Variants in ZNF214 observed in about 807,000 individuals in gnomAD.
The protein encoded by ZNF214 is BWSCR2-associated zinc finger protein 1.
A neutral mutation model predicts 53.9 loss-of-function variants in ZNF214; 43 were observed. The observed-to-expected ratio is 0.80, with a 90% CI of 0.63 to 1.03. The LOEUF (loss-of-function observed/expected upper bound fraction) is 1.03, where lower values mean the gene tolerates loss of function less well. ZNF214 is among the 50% of genes least tolerant of loss of function. The pLI, the probability that ZNF214 is intolerant of heterozygous loss-of-function variation, is 0.00. For synonymous variants in ZNF214, 217 were observed against 229.5 expected (o/e 0.95, Z 0.49); for missense variants, 724 against 719.1 (o/e 1.01, Z -0.08).
At chr11:7,002,191 A>G (rs541825589) in intron 2 of ZNF214, among the ~76,000 whole-genome samples, 18 of 152,036 alleles carry the variant, frequency 1.2e-4, no homozygotes, top group African/African-American at 4.3e-4. Context: ...TTGAAGAGAG[A>G]TATATGGCCA....
chr11:7,001,401 G>A lies in ZNF214; in HGVS notation c.282C>T (p.Asp94=), dbSNP rs758713482. ...GETVQGTDSK[D]LTQQDRSQCQ... ...ACTGGGAACGATCTTGCTGTGTGAG[G>A]TCTTTGGAATCTGTCCCTTGAACAG... The change falls in exon 3 of 3, where the codon GAC becomes GAT. Residue 94 remains aspartate, a synonymous_variant. Coordinates refer to ENST00000278314, the MANE Select transcript of ZNF214 (RefSeq NM_013249.4). 1.2e-5 allele frequency: 19 copies of A among 1,613,108 alleles called. No homozygotes were observed. Among genetic ancestry groups the A allele is most frequent in the Non-Finnish European group, 1.5e-5 (18 of 1,179,416 alleles).
At position 7,011,723 on chromosome 11, in the gene ZNF214, C is replaced by T. The variant is rs1032412395; in HGVS notation, c.-21+8350G>A. Among the ~76,000 whole-genome samples the T allele has an allele frequency of 1.5e-4, 23 of 152,006 alleles. No individual in the cohort carries two copies. The South Asian group carries it at 4.8e-3, about 32-fold the overall frequency. On this transcript the variant is annotated intron_variant, in intron 1 of 2. Coordinates refer to ENST00000278314, the MANE Select transcript of ZNF214 (RefSeq NM_013249.4). The stretch of plus-strand genomic sequence containing the variant: ...AATTAGAAGCAAAAATATAAAATGT[C>T]ATTATTTGCATAGTTATGGCCATCT...
Position 7,000,767 on chromosome 11 carries a change from TACAGCTATA to T in ZNF214, c.907_915del (p.Tyr303_Cys305del). 6.2e-7 allele frequency: 1 copy of T among 1,610,764 alleles called. No homozygotes were observed. Among genetic ancestry groups the T allele is most frequent in the Non-Finnish European group, 8.5e-7 (1 of 1,179,256 alleles). On this transcript the variant is annotated inframe_deletion, in exon 3 of 3. Coordinates refer to ENST00000278314, the MANE Select transcript of ZNF214 (RefSeq NM_013249.4). The stretch of plus-strand genomic sequence containing the variant: ...TGGCTGAAGCTCTTACCACATGCAT[TACAGCTATA>T]AGGTACCTCCCCTATGTGAACTCTC...
chr11:7,005,563 T>C (rs1451664007), intron 1 of ZNF214, among the ~76,000 whole-genome samples: 6 of 152,120 alleles, frequency 3.9e-5, no homozygotes, highest in Non-Finnish European at 2.9e-5. Context: ...GTTAGCTGGT[T>C]CTTTTGTTCC....
intron 1 of ZNF214, chr11:7,015,685 T>C (rs950669655): frequency 6.6e-6 from 1 of 152,182 alleles, no homozygotes; most frequent in African/African-American, 2.4e-5. Flanking sequence ...ACTAAACTTA[T>C]CTCTATTTTC....
intron 1 of ZNF214, among the ~76,000 whole-genome samples, chr11:7,014,807 AAAAAAAAAAAAAC>A (rs1405901357): frequency 1.4e-5 from 2 of 145,610 alleles, no homozygotes; most frequent in Admixed American, 6.9e-5. Context: ...TCTCTAACAA[AAAAAAAAAAAAAC>A]AAAAAAAAAA....
At chr11:7,003,023 A>T (rs1022380759) in intron 1 of ZNF214, among the ~76,000 whole-genome samples, 168 bp from the exon 2 acceptor site, 2 of 151,924 alleles carry the variant, frequency 1.3e-5, no homozygotes, top group Non-Finnish European at 2.9e-5. Flanking sequence ...TAATATATCC[A>T]ATCATGAAAC....
At chr11:7,013,573 G>T (rs1296537922) in intron 1 of ZNF214, among the ~76,000 whole-genome samples, 2 of 152,194 alleles carry the variant, frequency 1.3e-5, no homozygotes, top group Non-Finnish European at 2.9e-5. Flanking sequence ...TTCTCTGTTG[G>T]ATTACCAATA....
At chr11:7,006,222 G>T (rs1352497699) in intron 1 of ZNF214, among the ~76,000 whole-genome samples, 2 of 151,926 alleles carry the variant, frequency 1.3e-5, no homozygotes, top group East Asian at 3.9e-4. Context: ...AAATGTCCAG[G>T]TTCATTCTTG....
At chr11:7,014,344 A>C (rs1472715932) in intron 1 of ZNF214, among the ~76,000 whole-genome samples, 2 of 152,216 alleles carry the variant, frequency 1.3e-5, no homozygotes, top group African/African-American at 2.4e-5. Context: ...AAACTAAAGC[A>C]ATCCAAAAAG....
At chr11:7,007,113 G>A (rs1851488246) in intron 1 of ZNF214, among the ~76,000 whole-genome samples, 1 of 151,852 alleles carries the variant, frequency 6.6e-6, no homozygotes, top group Admixed American at 6.6e-5. Context: ...AGATATAAGA[G>A]TGTGCTAAAG....
At chr11:7,003,949 TAAA>T (rs1367616213) in intron 1 of ZNF214, among the ~76,000 whole-genome samples, 1 of 151,454 alleles carries the variant, frequency 6.6e-6, no homozygotes, top group Non-Finnish European at 1.5e-5. Context: ...ATATATAAAT[TAAA>T]AAAAGAAAAA....
intron 1 of ZNF214, among the ~76,000 whole-genome samples, chr11:7,014,811 A>T (rs563217872): frequency 4.7e-5 from 7 of 147,986 alleles, no homozygotes; most frequent in African/African-American, 1.7e-4. Context: ...TAACAAAAAA[A>T]AAAAAAAACA....
At chr11:7,006,420 C>G (rs1055664677) in intron 1 of ZNF214, among the ~76,000 whole-genome samples, 1 of 152,060 alleles carries the variant, frequency 6.6e-6, no homozygotes, top group Non-Finnish European at 1.5e-5. Context: ...CAAGAAAGGT[C>G]AGTTAAAATC....
chr11:7,016,054 C>T (rs1044825230), intron 1 of ZNF214: 1 of 151,984 alleles, frequency 6.6e-6, no homozygotes, highest in African/African-American at 2.4e-5. Context: ...AAGCTTGATA[C>T]TCTGTCTCAA....
chr11:6,999,953 G>C lies in ZNF214; in HGVS notation c.1730C>G (p.Ala577Gly), dbSNP rs139699967. ...ACGGCATTTGTAAGGTTTCTCTCCT[G>C]CATGGACTCTTTGATGAATTCGAAG... Reference protein sequence around the residue: ...SALRIHQRVHAGEKPYKCREY... With the variant: ...SALRIHQRVHGGEKPYKCREY... The change falls in exon 3 of 3, where the codon GCA becomes GGA. Residue 577 changes from alanine (A) to glycine (G), a missense_variant. Physicochemically the swap from Ala to Gly is moderately conservative, Grantham distance 60. Coordinates refer to ENST00000278314, the MANE Select transcript of ZNF214 (RefSeq NM_013249.4). 1.5e-5 allele frequency: 25 copies of C among 1,613,086 alleles called. No individual in the cohort carries two copies. In the South Asian group the frequency reaches 2.2e-4, roughly 14 times the overall value.
rs1590097188 is a variant in ZNF214, at chr11:6,998,289, G to C, written c.*1573C>G. 6.6e-6 allele frequency among the ~76,000 whole-genome samples: 1 copy of C among 151,914 alleles called. No individual in the cohort carries two copies. The highest frequency in any genetic ancestry group is 1.9e-4 in the East Asian group (1 of 5,166). ...TTCTTTCTAACCTGTTTCTAAGGTT[G>C]CTTTAATACTGGTTTTGCCTAAAAC... On this transcript the variant is annotated 3_prime_UTR_variant, in exon 3 of 3. Coordinates refer to ENST00000278314, the MANE Select transcript of ZNF214 (RefSeq NM_013249.4).
intron 1 of ZNF214, among the ~76,000 whole-genome samples, chr11:7,014,820 C>CAAAAAAAAAAAAAAAAAAAAAAAAA: frequency 1.1e-5 from 1 of 91,202 alleles, no homozygotes; most frequent in Non-Finnish European, 2.4e-5. Flanking sequence ...AAAAAAAAAA[C>CAAAAAAAAAAAAAAAAAAAAAAAAA]AAAAAAAAAA....
At chr11:7,018,921 G>C (rs548922140) in intron 1 of ZNF214, among the ~76,000 whole-genome samples, 1 of 152,224 alleles carries the variant, frequency 6.6e-6, no homozygotes, top group East Asian at 1.9e-4. Flanking sequence ...GTTGGGGCAG[G>C]GTCAAGTCTG....
Sources: gnomAD v4.1 joint callset for allele counts (sites outside exome capture counted in the v4.1 genomes callset) on GRCh38, gnomAD v4.1.1 for gene constraint, MANE v1.5 for transcripts, NCBI Gene and HGNC (gene_info 2026-07-23, HGNC 2026-07-21) for gene names.